PPP1R9A: variants seen among roughly 807,000 people sequenced by gnomAD.
PPP1R9A encodes protein phosphatase 1 regulatory subunit 9A.
Under a neutral mutation model 141.9 loss-of-function variants are expected in PPP1R9A, and 59 were observed. The observed-to-expected ratio is 0.42, with a 90% CI of 0.34 to 0.52. The LOEUF (loss-of-function observed/expected upper bound fraction) is 0.52, where lower values mean the gene tolerates loss of function less well. PPP1R9A is among the 20% of genes least tolerant of loss of function. The pLI is 0.10. For missense variants in PPP1R9A, 1,444 were observed against 1,611.9 expected, an observed-to-expected ratio of 0.90 and a Z score of 1.78; for synonymous variants, 500 against 569.7, an observed-to-expected ratio of 0.88 and a Z score of 1.74.
intron 2 of PPP1R9A, among the ~76,000 whole-genome samples, chr7:95,017,958 T>C (rs1805343015): frequency 6.6e-6 from 1 of 152,202 alleles, no homozygotes; most frequent in Non-Finnish European, 1.5e-5. Context: ...ATAGTGCCTT[T>C]CTCTGGGAGA....
chr7:95,147,289 C>G (rs1359592872), intron 4 of PPP1R9A, among the ~76,000 whole-genome samples: 2 of 152,150 alleles, frequency 1.3e-5, no homozygotes, highest in Non-Finnish European at 2.9e-5. Context: ...TGATTTGGCT[C>G]TCTGTTTGTC....
intron 2 of PPP1R9A, among the ~76,000 whole-genome samples, chr7:94,940,061 G>T (rs552436120): frequency 1.6e-4 from 24 of 152,144 alleles, no homozygotes; most frequent in Admixed American, 3.9e-4. Flanking sequence ...ATAGATGAAA[G>T]TTCTGATTTA....
intron 12 of PPP1R9A, among the ~76,000 whole-genome samples, chr7:95,263,089 G>T (rs1347655941): frequency 1.3e-5 from 2 of 152,156 alleles, no homozygotes; most frequent in African/African-American, 4.8e-5. Flanking sequence ...GGGGAAGACT[G>T]ATAGTCATGC....
At chr7:95,047,839 G>C (rs879776733) in intron 2 of PPP1R9A, among the ~76,000 whole-genome samples, 4 of 152,152 alleles carry the variant, frequency 2.6e-5, no homozygotes, top group Admixed American at 2.6e-4. Context: ...CATATAGAAA[G>C]TGTTTGAAGT....
intron 4 of PPP1R9A, among the ~76,000 whole-genome samples, chr7:95,134,601 A>T (rs1825298088): frequency 6.6e-6 from 1 of 152,032 alleles, no homozygotes; most frequent in East Asian, 1.9e-4. Context: ...ACGCCCAGCT[A>T]GTTTTGTATT....
chr7:95,291,693 A>T lies in PPP1R9A; in HGVS notation c.*1390A>T, dbSNP rs1585669200. ...TCTCTTTGCTGCGTTGACTCTAAAA[A>T]TGAGGTTATCCACTTTCCAAAGGAC... is the stretch of plus-strand genomic sequence containing the variant. On this transcript the variant is annotated 3_prime_UTR_variant, in exon 20 of 20. Transcript: ENST00000433360. 6.6e-6 allele frequency: 1 copy of T among 152,312 alleles called. No individual in the cohort carries two copies. Among genetic ancestry groups the T allele is most frequent in the Middle Eastern group, 3.4e-3 (1 of 294 alleles). The allele number at this position is 152,312 out of a possible 1,614,324, so 9.4% of individuals were successfully genotyped here.
intron 12 of PPP1R9A, among the ~76,000 whole-genome samples, chr7:95,264,955 T>C (rs1266662555): frequency 1.3e-5 from 2 of 152,280 alleles, no homozygotes; most frequent in Non-Finnish European, 1.5e-5. Flanking sequence ...AGAGAACGAA[T>C]GACAGTGAGA....
intron 8 of PPP1R9A, among the ~76,000 whole-genome samples, chr7:95,237,721 T>C (rs1796911458): frequency 6.6e-6 from 1 of 152,122 alleles, no homozygotes; most frequent in Non-Finnish European, 1.5e-5. Flanking sequence ...TTACAACTTC[T>C]TTATTTATAA....
intron 6 of PPP1R9A, among the ~76,000 whole-genome samples, chr7:95,201,876 C>T (rs1789644661): frequency 6.6e-6 from 1 of 152,156 alleles, no homozygotes; most frequent in Non-Finnish European, 1.5e-5. Context: ...CATTTAGATA[C>T]AGAACAACCA....
intron 8 of PPP1R9A, among the ~76,000 whole-genome samples, chr7:95,233,820 A>G (rs1796309404): frequency 1.3e-5 from 2 of 152,334 alleles, no homozygotes; most frequent in Admixed American, 1.3e-4. Flanking sequence ...TATCAAAAAG[A>G]TAACCTACCA....
intron 2 of PPP1R9A, among the ~76,000 whole-genome samples, chr7:94,971,843 A>C (rs765753705): frequency 6.6e-6 from 1 of 152,246 alleles, no homozygotes; most frequent in Non-Finnish European, 1.5e-5. Context: ...TGAGATTTTC[A>C]GGATTTTTAA....
At chr7:94,965,721 G>A (rs1798131643) in intron 2 of PPP1R9A, among the ~76,000 whole-genome samples, 1 of 151,982 alleles carries the variant, frequency 6.6e-6, no homozygotes, top group Non-Finnish European at 1.5e-5. Flanking sequence ...GGTTACTGTA[G>A]CCTTGTAGTA....
intron 8 of PPP1R9A, among the ~76,000 whole-genome samples, chr7:95,238,498 A>G (rs951994533): frequency 6.6e-6 from 1 of 152,152 alleles, no homozygotes; most frequent in African/African-American, 2.4e-5. Flanking sequence ...CTCCTGCTTC[A>G]GATCCTCAGT....
chr7:94,994,426 A>G (rs1229018620), intron 2 of PPP1R9A, among the ~76,000 whole-genome samples: 3 of 152,148 alleles, frequency 2.0e-5, no homozygotes, highest in Admixed American at 2.0e-4. Context: ...GAGCCCTGAA[A>G]AGGAAAACAC....
chr7:94,983,569 G>A (rs899582732), intron 2 of PPP1R9A, among the ~76,000 whole-genome samples: 1 of 151,888 alleles, frequency 6.6e-6, no homozygotes, highest in African/African-American at 2.4e-5. Flanking sequence ...TGTATTCCTG[G>A]GTATTTTATT....
rs146546746 is a variant in PPP1R9A, at chr7:95,244,549, A to C, written c.2113-2924A>C. 2.8e-3 allele frequency among the ~76,000 whole-genome samples: 426 copies of C among 152,306 alleles called. 2 individuals carry two copies. The highest frequency in any genetic ancestry group is 9.5e-3 in the African/African-American group (396 of 41,572). ...AAGACACAGTGATCTGAGAAAAGAA[A>C]GTCCAAAATGCCAACAAGCTGCATG... On this transcript the variant is annotated intron_variant, in intron 8 of 19. Coordinates refer to ENST00000433360, the MANE Select transcript of PPP1R9A (RefSeq NM_001166160.2).
chr7:95,251,863 G>C lies in PPP1R9A; in HGVS notation c.2493+5G>C. 6.2e-7 allele frequency: 1 copy of C among 1,613,794 alleles called. No individual in the cohort carries two copies. Among genetic ancestry groups the C allele is most frequent in the Non-Finnish European group, 8.5e-7 (1 of 1,179,868 alleles). ...GTGCAAGGCCTCCAAGTGCGGGTAA[G>C]TTGTGTTCCCTAAGACACTAAATAA... On this transcript the variant is annotated splice_donor_5th_base_variant and intron_variant, in intron 11 of 19. Coordinates refer to ENST00000433360, the MANE Select transcript of PPP1R9A (RefSeq NM_001166160.2).
chr7:95,161,208 A>G (rs143505408), intron 4 of PPP1R9A, among the ~76,000 whole-genome samples: 43 of 152,140 alleles, frequency 2.8e-4, no homozygotes, highest in Admixed American at 1.6e-3. Context: ...ACTTTTTAGT[A>G]ATAGCCATTC....
At chr7:95,251,655 T>C (rs1798890177) in intron 10 of PPP1R9A, 107 bp from the exon 11 acceptor site, 2 of 1,016,240 alleles carry the variant, frequency 2.0e-6, no homozygotes, top group Non-Finnish European at 2.8e-6. Context: ...GTTGTCCATT[T>C]AAATAACTGT....
Sources: gnomAD v4.1 joint callset for allele counts (sites outside exome capture counted in the v4.1 genomes callset) on GRCh38, gnomAD v4.1.1 for gene constraint, MANE v1.5 for transcripts, NCBI Gene and HGNC (gene_info 2026-07-23, HGNC 2026-07-21) for gene names.